P2RY1: variants seen among roughly 807,000 people sequenced by gnomAD.
P2RY1 encodes purinergic receptor P2Y1.
A neutral mutation model predicts 22.8 loss-of-function variants in P2RY1; 14 were observed. That is an observed-to-expected ratio of 0.61 (90% CI 0.41 to 0.96). P2RY1 has a LOEUF of 0.96. P2RY1 is among the 40% of genes least tolerant of loss of function. P2RY1 has a pLI of 0.00. For missense variants in P2RY1, 395 were observed against 470.3 expected (o/e 0.84, Z 1.48); for synonymous variants, 200 against 195.1 (o/e 1.03, Z -0.21).
At position 152,836,709 on chromosome 3, in the gene P2RY1, A is replaced by G; in HGVS notation, c.927A>G (p.Thr309=). 1 of 1,614,178 alleles carries G rather than the reference A, an allele frequency of 6.2e-7. No individual in the cohort carries two copies. Among genetic ancestry groups the G allele is most frequent in the Non-Finnish European group, 8.5e-7 (1 of 1,180,018 alleles). The change falls in exon 1 of 1, where the codon ACA becomes ACG. Residue 309 remains threonine, a synonymous_variant. Transcript: ENST00000305097. This position sits in a 1 kb window ranked among gnomAD's most constrained non-coding sequence, Gnocchi z 5.6. The stretch of plus-strand genomic sequence containing the variant: ...GGGTTTATGCCACGTATCAGGTGAC[A>G]AGAGGTCTAGCAAGTCTCAACAGTT... ...NDRVYATYQV[T]RGLASLNSCV...
rs1716255439 is a variant in P2RY1, at chr3:152,839,732, G to A, written c.*2828G>A. 6.6e-6 allele frequency: 1 copy of A among 152,140 alleles called. No homozygotes were observed. The highest frequency in any genetic ancestry group is 2.1e-4 in the South Asian group (1 of 4,824). 9.4% of individuals were successfully genotyped at this position (152,140 alleles called of 1,614,324 possible). Reference sequence around the variant, plus strand: ...AAAGTTGGATGACATCCATTGTTGGGGCCTTGGGGGATATGGTAAAGCATG... The same window carrying A: ...AAAGTTGGATGACATCCATTGTTGGAGCCTTGGGGGATATGGTAAAGCATG... On this transcript the variant is annotated 3_prime_UTR_variant, in exon 1 of 1. Coordinates refer to ENST00000305097, the MANE Select transcript of P2RY1 (RefSeq NM_002563.5).
rs762164259 is a variant in P2RY1 at position 152,836,235 on chromosome 3, C to A, written c.453C>A (p.Ser151Arg). The A allele has an allele frequency of 6.2e-7, 1 of 1,613,980 alleles. No homozygotes were observed. Among genetic ancestry groups the A allele is most frequent in the Non-Finnish European group, 8.5e-7 (1 of 1,180,018 alleles). Residue 151 changes from serine to arginine, a missense_variant, in exon 1 of 1, where the codon AGC becomes AGA. Physicochemically the swap from Ser to Arg is moderately radical, Grantham distance 110. Coordinates refer to ENST00000305097, the MANE Select transcript of P2RY1 (RefSeq NM_002563.5). The surrounding 1 kb of genome is among the most constrained non-coding windows in gnomAD (Gnocchi z 5.6). ...CATGCATCAGTGCCCACCGGTACAG[C>A]GGTGTGGTGTACCCCCTCAAGTCCC... is the stretch of plus-strand genomic sequence containing the variant. ...FLTCISAHRY[S>R]GVVYPLKSLG...
Position 152,836,795 on chromosome 3 carries a change from C to T in P2RY1, c.1013C>T (p.Ala338Val). 1 of 1,614,058 alleles carries T rather than the reference C, an allele frequency of 6.2e-7. No homozygotes were observed. Residue 338 changes from alanine (A) to valine (V), a missense_variant, in exon 1 of 1, where the codon GCC becomes GTC. Transcript: ENST00000305097. This position sits in a 1 kb window ranked among gnomAD's most constrained non-coding sequence, Gnocchi z 5.6. ...GDTFRRRLSR[A>V]TRKASRRSEA... ...ACTTTCAGAAGGAGACTCTCCCGAG[C>T]CACAAGGAAAGCTTCTAGAAGAAGT...
At position 152,839,632 on chromosome 3, in the gene P2RY1, C is replaced by T. The variant is rs1716253428; in HGVS notation, c.*2728C>T. 1 of 152,144 alleles carries T rather than the reference C, an allele frequency of 6.6e-6. No homozygotes were observed. Among genetic ancestry groups the T allele is most frequent in the South Asian group, 2.1e-4 (1 of 4,832 alleles). The allele number at this position is 152,144 out of a possible 1,614,324, so 9.4% of individuals were successfully genotyped here. A position where few individuals can be genotyped will look rare whatever the true frequency, so the allele number is the denominator to read the frequency against. ...GAAATACAGCATGCAAGTTGGAATT[C>T]AGAGTTAAAACCATGATGTTGCCGC... On this transcript the variant is annotated 3_prime_UTR_variant, in exon 1 of 1. Transcript: ENST00000305097.
At position 152,836,335 on chromosome 3, in the gene P2RY1, C is replaced by A; in HGVS notation, c.553C>A (p.Pro185Thr). The change falls in exon 1 of 1, where the codon CCC becomes ACC. Residue 185 changes from proline to threonine, a missense_variant. Coordinates refer to ENST00000305097, the MANE Select transcript of P2RY1 (RefSeq NM_002563.5). The surrounding 1 kb of genome is among the most constrained non-coding windows in gnomAD (Gnocchi z 5.6). ...GCTCATTGTGGTGGTGGCGATCTCC[C>A]CCATCCTCTTCTACTCAGGTACCGG... ...VWLIVVVAIS[P>T]ILFYSGTGVR... The A allele has an allele frequency of 6.2e-7, 1 of 1,614,024 alleles. No homozygotes were observed. The highest frequency in any genetic ancestry group is 8.5e-7 in the Non-Finnish European group (1 of 1,180,008).
chr3:152,836,763 G>A lies in P2RY1; in HGVS notation c.981G>A (p.Ala327=), dbSNP rs201214968. The A allele has an allele frequency of 1.2e-5, 19 of 1,614,120 alleles. No individual in the cohort carries two copies. The highest frequency in any genetic ancestry group is 1.5e-5 in the Non-Finnish European group (18 of 1,180,022). The change falls in exon 1 of 1, where the codon GCG becomes GCA. Residue 327 remains alanine (A), a synonymous_variant. Coordinates refer to ENST00000305097, the MANE Select transcript of P2RY1 (RefSeq NM_002563.5). The surrounding 1 kb of genome is among the most constrained non-coding windows in gnomAD (Gnocchi z 5.6). ...SCVDPILYFL[A]GDTFRRRLSR... ...TGGACCCCATTCTCTATTTCTTGGC[G>A]GGAGATACTTTCAGAAGGAGACTCT...
In P2RY1 at chr3:152,839,621, A is replaced by C. The variant is rs889175462; in HGVS notation, c.*2717A>C. The C allele has an allele frequency of 5.3e-5, 8 of 152,228 alleles. No homozygotes were observed. Among genetic ancestry groups the C allele is most frequent in the African/African-American group, 1.9e-4 (8 of 41,458 alleles). 9.4% of individuals were successfully genotyped at this position (152,228 alleles called of 1,614,324 possible). On this transcript the variant is annotated 3_prime_UTR_variant, in exon 1 of 1. Transcript: ENST00000305097. ...CAAACTAAGAAGAAATACAGCATGC[A>C]AGTTGGAATTCAGAGTTAAAACCAT...
chr3:152,840,907 A>G lies in P2RY1; in HGVS notation c.*4003A>G, dbSNP rs1176628334. 1.3e-5 allele frequency: 2 copies of G among 152,130 alleles called. No individual in the cohort carries two copies. Among genetic ancestry groups the G allele is most frequent in the Non-Finnish European group, 2.9e-5 (2 of 68,018 alleles). The allele number at this position is 152,130 out of a possible 1,614,324, so 9.4% of individuals were successfully genotyped here. On this transcript the variant is annotated 3_prime_UTR_variant, in exon 1 of 1. Transcript: ENST00000305097. ...CTGTTAGAGTTTTTTATTCTGTTGT[A>G]CATTGTATTATACACATAATCACAA...
rs1262586182 is a variant in P2RY1, at chr3:152,835,292, G to A, written c.-491G>A. The A allele has an allele frequency of 6.4e-6, 1 of 155,356 alleles. No homozygotes were observed. The highest frequency in any genetic ancestry group is 1.4e-5 in the Non-Finnish European group (1 of 70,512). The allele number at this position is 155,356 out of a possible 1,614,324, so 9.6% of individuals were successfully genotyped here. On this transcript the variant is annotated 5_prime_UTR_variant, in exon 1 of 1. Transcript: ENST00000305097. ...GGAAGCGGTTAGACGCCCCGAAACT[G>A]AGCTGCACGTTTCTAAGGTAGGGAG...
Position 152,839,611 on chromosome 3 carries a change from T to TA in P2RY1, c.*2708dup, listed in dbSNP as rs145261194. ...GACAAAAAGACAAACTAAGAAGAAA[T>TA]ACAGCATGCAAGTTGGAATTCAGAG... On this transcript the variant is annotated 3_prime_UTR_variant, in exon 1 of 1. Transcript: ENST00000305097. 2 of 152,274 alleles carry TA rather than the reference T, an allele frequency of 1.3e-5. No individual in the cohort carries two copies. Among genetic ancestry groups the TA allele is most frequent in the African/African-American group, 4.8e-5 (2 of 41,550 alleles). 9.4% of individuals were successfully genotyped at this position (152,274 alleles called of 1,614,324 possible).
Position 152,836,766 on chromosome 3 carries a change from A to T in P2RY1, c.984A>T (p.Gly328=). The change falls in exon 1 of 1, where the codon GGA becomes GGT. Residue 328 remains glycine, a synonymous_variant. Coordinates refer to ENST00000305097, the MANE Select transcript of P2RY1 (RefSeq NM_002563.5). The surrounding 1 kb of genome is among the most constrained non-coding windows in gnomAD (Gnocchi z 5.6). The stretch of plus-strand genomic sequence containing the variant: ...ACCCCATTCTCTATTTCTTGGCGGG[A>T]GATACTTTCAGAAGGAGACTCTCCC... The part of the protein sequence containing the change: ...CVDPILYFLA[G]DTFRRRLSRA... The T allele has an allele frequency of 6.2e-7, 1 of 1,614,104 alleles. No individual in the cohort carries two copies. Among genetic ancestry groups the T allele is most frequent in the Non-Finnish European group, 8.5e-7 (1 of 1,180,028 alleles).
chr3:152,836,291 G>C lies in P2RY1; in HGVS notation c.509G>C (p.Cys170Ser), dbSNP rs200067411. Residue 170 changes from cysteine (C) to serine (S), a missense_variant, in exon 1 of 1, where the codon TGT becomes TCT. Cys to Ser is a moderately radical substitution (Grantham distance 112, BLOSUM62 -1). Around this residue, in one of 3 missense-constraint regions of P2RY1, gnomAD observed 291 missense variants for 361.6 expected, o/e 0.80. Coordinates refer to ENST00000305097, the MANE Select transcript of P2RY1 (RefSeq NM_002563.5). This position sits in a 1 kb window ranked among gnomAD's most constrained non-coding sequence, Gnocchi z 5.6. ...LGRLKKKNAI[C>S]ISVLVWLIVV... ...CGGCTCAAAAAGAAGAATGCGATCT[G>C]TATCAGCGTGCTGGTGTGGCTCATT... The C allele has an allele frequency of 7.4e-6, 12 of 1,614,136 alleles. No homozygotes were observed. The Middle Eastern group carries it at 4.9e-4, about 67-fold the overall frequency.
At position 152,837,108 on chromosome 3, in the gene P2RY1, C is replaced by G; in HGVS notation, c.*204C>G. 1 of 572,126 alleles carries G rather than the reference C, an allele frequency of 1.7e-6. No homozygotes were observed. The highest frequency in any genetic ancestry group is 3.2e-6 in the Non-Finnish European group (1 of 316,632). 35.4% of individuals were successfully genotyped at this position (572,126 alleles called of 1,614,324 possible). A position where few individuals can be genotyped will look rare whatever the true frequency, so the allele number is the denominator to read the frequency against. ...CTTTCACAGTCTCTCTTCCTTCTGA[C>G]TAGAAGTATGTATAATAAAACAATA... is the stretch of plus-strand genomic sequence containing the variant. On this transcript the variant is annotated 3_prime_UTR_variant, in exon 1 of 1. Transcript: ENST00000305097.
Position 152,835,787 on chromosome 3 carries a change from C to T in P2RY1, c.5C>T (p.Thr2Ile). 6.3e-7 allele frequency: 1 copy of T among 1,598,936 alleles called. No homozygotes were observed. Among genetic ancestry groups the T allele is most frequent in the Non-Finnish European group, 8.5e-7 (1 of 1,174,642 alleles). Residue 2 changes from threonine to isoleucine, a missense_variant, in exon 1 of 1, where the codon ACC (threonine) becomes ATC (isoleucine). Physicochemically the swap from Thr to Ile is moderately conservative, Grantham distance 89. Around this residue, in one of 3 missense-constraint regions of P2RY1, gnomAD observed 98 missense variants for 87.7 expected, o/e 1.12. Coordinates refer to ENST00000305097, the MANE Select transcript of P2RY1 (RefSeq NM_002563.5). Reference sequence around the variant, plus strand: ...GCCTAAGTCGAGGAGGAGAGAATGACCGAGGTGCTGTGGCCGGCTGTCCCC... The same window carrying T: ...GCCTAAGTCGAGGAGGAGAGAATGATCGAGGTGCTGTGGCCGGCTGTCCCC... Reference protein sequence around the residue: MTEVLWPAVPNG... With the variant: MIEVLWPAVPNG...
rs1716154957 is a variant in P2RY1, at chr3:152,836,265, C to T, written c.483C>T (p.Gly161=). ...SGVVYPLKSL[G]RLKKKNAICI... is the part of the protein sequence containing the mutation. ...TGGTGTACCCCCTCAAGTCCCTGGG[C>T]CGGCTCAAAAAGAAGAATGCGATCT... Residue 161 remains glycine (G), a synonymous_variant, in exon 1 of 1, where the codon GGC becomes GGT. Transcript: ENST00000305097. The surrounding 1 kb of genome is among the most constrained non-coding windows in gnomAD (Gnocchi z 5.6). 10 of 1,614,110 alleles carry T rather than the reference C, an allele frequency of 6.2e-6. No homozygotes were observed. Among genetic ancestry groups the T allele is most frequent in the East Asian group, 2.2e-5 (1 of 44,874 alleles).
rs975372621 is a variant in P2RY1 at position 152,835,432 on chromosome 3, G to C, written c.-351G>C. On this transcript the variant is annotated 5_prime_UTR_variant, in exon 1 of 1. Coordinates refer to ENST00000305097, the MANE Select transcript of P2RY1 (RefSeq NM_002563.5). ...CTTGACCTCGCTGCGCCTCTGGCGC[G>C]CTCTGCAGCGCGGACCCGCGGCCCC... 1 of 297,480 alleles carries C rather than the reference G, an allele frequency of 3.4e-6. No individual in the cohort carries two copies. Among genetic ancestry groups the C allele is most frequent in the Non-Finnish European group, 6.2e-6 (1 of 161,090 alleles). 18.4% of individuals were successfully genotyped at this position (297,480 alleles called of 1,614,324 possible).
chr3:152,836,467 C>G lies in P2RY1; in HGVS notation c.685C>G (p.Pro229Ala). 1 of 1,614,136 alleles carries G rather than the reference C, an allele frequency of 6.2e-7. No homozygotes were observed. Among genetic ancestry groups the G allele is most frequent in the Non-Finnish European group, 8.5e-7 (1 of 1,180,020 alleles). The change falls in exon 1 of 1, where the codon CCC becomes GCC. Residue 229 changes from proline (P) to alanine (A), a missense_variant. Physicochemically the swap from Pro to Ala is conservative, Grantham distance 27. Coordinates refer to ENST00000305097, the MANE Select transcript of P2RY1 (RefSeq NM_002563.5). The surrounding 1 kb of genome is among the most constrained non-coding windows in gnomAD (Gnocchi z 5.6). ...CACGACCGTGGCCATGTTCTGTGTC[C>G]CCTTGGTGCTGATTCTGGGCTGTTA... The part of the protein sequence containing the change: ...MCTTVAMFCV[P>A]LVLILGCYGL...
Position 152,839,566 on chromosome 3 carries a change from AT to A in P2RY1, c.*2665del, listed in dbSNP as rs922119481. 1.3e-4 allele frequency: 20 copies of A among 152,206 alleles called. No individual in the cohort carries two copies. The highest frequency in any genetic ancestry group is 4.8e-4 in the African/African-American group (20 of 41,460). 9.4% of individuals were successfully genotyped at this position (152,206 alleles called of 1,614,324 possible). A position where few individuals can be genotyped will look rare whatever the true frequency, so the allele number is the denominator to read the frequency against. ...AGCATCTTTGACTCTTTGAACATCA[AT>A]TTGTGTTTACATTGAAATGACAAAA... On this transcript the variant is annotated 3_prime_UTR_variant, in exon 1 of 1. Transcript: ENST00000305097.
chr3:152,837,263 T>A lies in P2RY1; in HGVS notation c.*359T>A. 5.1e-6 allele frequency: 1 copy of A among 196,608 alleles called. No individual in the cohort carries two copies. The allele number at this position is 196,608 out of a possible 1,614,324, so 12.2% of individuals were successfully genotyped here. On this transcript the variant is annotated 3_prime_UTR_variant, in exon 1 of 1. Coordinates refer to ENST00000305097, the MANE Select transcript of P2RY1 (RefSeq NM_002563.5). ...AATTTCTCTAAGAAAACTAGCCCCC[T>A]GCAACTTGAGTTTGTGGTTTATCTA...
Sources: gnomAD v4.1 joint callset for allele counts on GRCh38, gnomAD v4.1.1 for gene constraint, gnomAD v4.1.1 regional missense constraint, Gnocchi (gnomAD v3.1) non-coding constraint, MANE v1.5 for transcripts, NCBI Gene and HGNC (gene_info 2026-07-23, HGNC 2026-07-21) for gene names.